Variants in FAM193A observed in about 807,000 individuals in gnomAD.
FAM193A encodes family with sequence similarity 193 member A, also known as protein FAM193A.
Under a neutral mutation model 126.5 loss-of-function variants are expected in FAM193A, and 22 were observed. The ratio of observed to expected loss-of-function variants is 0.17; its 90% CI spans 0.12 to 0.25. The LOEUF (loss-of-function observed/expected upper bound fraction) is 0.25. Among genes scored for constraint, FAM193A ranks in the 10% least tolerant of loss-of-function variants. FAM193A has a pLI of 1.00. For missense variants in FAM193A, 1,675 were observed against 1,672.8 expected (o/e 1.00, Z -0.02); for synonymous variants, 761 against 646.8 (o/e 1.18, Z -2.68).
At chr4:2,654,567 G>T (rs1745990408) in intron 7 of FAM193A, 1 of 151,622 alleles carries the variant, frequency 6.6e-6, no homozygotes, top group East Asian at 1.9e-4. Context: ...TTTCCCTGAG[G>T]CTGTGAGGAG....
chr4:2,717,402 C>T (rs2109379085), intron 20 of FAM193A, among the ~76,000 whole-genome samples: 1 of 152,138 alleles, frequency 6.6e-6, no homozygotes, highest in Non-Finnish European at 1.5e-5. Flanking sequence ...TCGAGACGAG[C>T]CTGGCCAACA....
At chr4:2,569,316 GA>G (rs1006377569) in intron 1 of FAM193A, among the ~76,000 whole-genome samples, 1 of 152,114 alleles carries the variant, frequency 6.6e-6, no homozygotes, top group African/African-American at 2.4e-5. Context: ...GAGGGGTTGA[GA>G]AAGTGTCATG....
chr4:2,722,272 A>C (rs1469234287), intron 20 of FAM193A, among the ~76,000 whole-genome samples: 1 of 152,156 alleles, frequency 6.6e-6, no homozygotes, highest in African/African-American at 2.4e-5. Flanking sequence ...CCTGATGCAG[A>C]GGCCACTGTG....
intron 12 of FAM193A, among the ~76,000 whole-genome samples, chr4:2,668,213 C>CT (rs71644347): frequency 0.034 from 4,612 of 137,584 alleles, 109 homozygotes; most frequent in South Asian, 0.08. Flanking sequence ...CAATATGCAT[C>CT]TTTTTTTTTT....
chr4:2,628,163 C>T (rs544881245), intron 4 of FAM193A, among the ~76,000 whole-genome samples: 5 of 152,012 alleles, frequency 3.3e-5, no homozygotes, highest in African/African-American at 4.8e-5. Flanking sequence ...GGATTACAGG[C>T]GTGAGCCACC....
chr4:2,574,775 A>C (rs1003680769), intron 1 of FAM193A, among the ~76,000 whole-genome samples: 2 of 152,198 alleles, frequency 1.3e-5, no homozygotes, highest in Non-Finnish European at 2.9e-5. Context: ...AATCATTTTA[A>C]ATTAATTAAA....
At chr4:2,535,612 GCT>G (rs1210463082), upstream of FAM193A, among the ~76,000 whole-genome samples, 2 of 152,238 alleles carry the variant, frequency 1.3e-5, no homozygotes, top group Non-Finnish European at 2.9e-5. Context: ...TCTGCCTGGG[GCT>G]CGCAGATGTC....
intron 19 of FAM193A, among the ~76,000 whole-genome samples, chr4:2,706,534 G>T (rs1022956498): frequency 6.6e-6 from 1 of 151,844 alleles, no homozygotes; most frequent in Non-Finnish European, 1.5e-5. Flanking sequence ...AATCTCAGGT[G>T]ATCTGCCCAC....
At chr4:2,580,896 G>T (rs533714233) in intron 1 of FAM193A, among the ~76,000 whole-genome samples, 1 of 152,166 alleles carries the variant, frequency 6.6e-6, no homozygotes, top group Non-Finnish European at 1.5e-5. Flanking sequence ...TTGGGAGGCC[G>T]AGGCGGGCAG....
intron 2 of FAM193A, among the ~76,000 whole-genome samples, chr4:2,618,145 C>T (rs917369387): frequency 1.3e-5 from 2 of 152,126 alleles, no homozygotes; most frequent in African/African-American, 4.8e-5. Flanking sequence ...ACTCGTTTTC[C>T]TCTCTGTGCT....
At chr4:2,722,669 G>A (rs1720292169) in intron 20 of FAM193A, among the ~76,000 whole-genome samples, 1 of 152,182 alleles carries the variant, frequency 6.6e-6, no homozygotes, top group African/African-American at 2.4e-5. Context: ...TTAGGGGAGT[G>A]AGGGGATCAG....
At chr4:2,549,586 C>T (rs1070963) in intron 1 of FAM193A, among the ~76,000 whole-genome samples, 5 of 148,868 alleles carry the variant, frequency 3.4e-5, no homozygotes, top group African/African-American at 4.9e-5. Context: ...TTAGTAGAGA[C>T]GGGGTTTCAC....
At chr4:2,702,135 G>A (rs55671848) in intron 19 of FAM193A, among the ~76,000 whole-genome samples, 10,575 of 152,204 alleles carry the variant, frequency 0.069, 644 homozygotes, top group African/African-American at 0.16. Flanking sequence ...ACTGTAGGAA[G>A]AGCTTTCCAA....
At chr4:2,706,270 C>T (rs1339570396) in intron 19 of FAM193A, among the ~76,000 whole-genome samples, 1 of 150,538 alleles carries the variant, frequency 6.6e-6, no homozygotes, top group Non-Finnish European at 1.5e-5. Flanking sequence ...CACCTTTGTC[C>T]TACAATAAAT....
At chr4:2,705,257 A>G (rs915042672) in intron 19 of FAM193A, among the ~76,000 whole-genome samples, 7 of 152,204 alleles carry the variant, frequency 4.6e-5, no homozygotes, top group African/African-American at 1.7e-4. Flanking sequence ...CTCATGCAGT[A>G]TGCTGCAGAC....
chr4:2,566,979 G>T (rs1037003893), intron 1 of FAM193A, among the ~76,000 whole-genome samples: 1 of 144,104 alleles, frequency 6.9e-6, no homozygotes, highest in East Asian at 2.1e-4. Context: ...TCGCTCTGTC[G>T]CCCAGGCTGG....
At chr4:2,537,738 C>G (rs917053386) in intron 1 of FAM193A, among the ~76,000 whole-genome samples, 3 of 152,200 alleles carry the variant, frequency 2.0e-5, no homozygotes, top group African/African-American at 4.8e-5. Context: ...TTTGGTCCTC[C>G]TATGTGGTTA....
At chr4:2,549,749 A>T (rs991194950) in intron 1 of FAM193A, among the ~76,000 whole-genome samples, 1 of 150,018 alleles carries the variant, frequency 6.7e-6, no homozygotes, top group African/African-American at 2.5e-5. Context: ...TTTCTTTGAG[A>T]TGGAGTCTCA....
chr4:2,646,948 C>A, intron 7 of FAM193A, 116 bp downstream of exon 7: 1 of 1,151,710 alleles, frequency 8.7e-7, no homozygotes, highest in Non-Finnish European at 1.2e-6. Flanking sequence ...CCGACTGAGG[C>A]CCAGAGGCGC....
Sources: gnomAD v4.1 joint callset for allele counts (sites outside exome capture counted in the v4.1 genomes callset) on GRCh38, gnomAD v4.1.1 for gene constraint, MANE v1.5 for transcripts, NCBI Gene and HGNC (gene_info 2026-07-23, HGNC 2026-07-21) for gene names.